ARHGAP22: variants seen among roughly 807,000 people sequenced by gnomAD.
ARHGAP22 encodes the protein rho GTPase-activating protein 22.
A neutral mutation model predicts 59.1 loss-of-function variants in ARHGAP22; 48 were observed. The ratio of observed to expected loss-of-function variants is 0.81; its 90% CI spans 0.64 to 1.03. The LOEUF (loss-of-function observed/expected upper bound fraction) is 1.03, where lower values mean the gene tolerates loss of function less well. Among genes scored for constraint, ARHGAP22 ranks in the 50% least tolerant of loss-of-function variants. The pLI, the probability that ARHGAP22 is intolerant of heterozygous loss-of-function variation, is 0.00. For synonymous variants in ARHGAP22, 445 were observed against 416.4 expected (o/e 1.07, Z -0.84); for missense variants, 1,015 against 958.7 (o/e 1.06, Z -0.78).
At chr10:48,551,130 C>CAAGGTT (rs2056862061) in intron 3 of ARHGAP22, among the ~76,000 whole-genome samples, 1 of 152,126 alleles carries the variant, frequency 6.6e-6, no homozygotes, top group South Asian at 2.1e-4. Context: ...GCTTGCCAGG[C>CAAGGTT]AAGGTTGCAG....
At chr10:48,516,890 A>C (rs1485463402) in intron 3 of ARHGAP22, among the ~76,000 whole-genome samples, 1 of 152,256 alleles carries the variant, frequency 6.6e-6, no homozygotes, top group Admixed American at 6.5e-5. Flanking sequence ...GGATAAACAA[A>C]ATGTGGCATA....
intron 1 of ARHGAP22, among the ~76,000 whole-genome samples, chr10:48,641,349 T>A (rs2062037194): frequency 6.6e-6 from 1 of 152,096 alleles, no homozygotes; most frequent in Admixed American, 6.6e-5. Context: ...AAGAGACACA[T>A]TACAGATTCA....
chr10:48,435,059 T>TGGGTG, the ARHGAP22 span: 1 of 448,004 alleles, frequency 2.2e-6, no homozygotes, highest in Non-Finnish European at 4.3e-6. Context: ...GTGGGAGGGA[T>TGGGTG]GGGGAGTCGG....
At chr10:48,450,163 C>A in intron 9 of ARHGAP22, 98 bp downstream of exon 9, 1 of 1,460,200 alleles carries the variant, frequency 6.8e-7, no homozygotes, top group Non-Finnish European at 9.1e-7. Flanking sequence ...CCAGGGCCAG[C>A]GGCCCAGAGG....
rs530056284 is a variant in ARHGAP22, at chr10:48,526,429, A to G, written c.322+29034T>C. On this transcript the variant is annotated intron_variant, in intron 3 of 9. Transcript: ENST00000249601. ...CCGGAAAGAAAGATGTTTTCACTTC[A>G]TGACACATAGGTGGGGGTTACAAAG... Among the ~76,000 whole-genome samples, 9 of 152,382 alleles carry G rather than the reference A, an allele frequency of 5.9e-5. No individual in the cohort carries two copies. In the South Asian group the frequency reaches 1.9e-3, roughly 32 times the overall value.
At chr10:48,461,177 C>CA (rs200010270) in intron 4 of ARHGAP22, among the ~76,000 whole-genome samples, 173 of 152,008 alleles carry the variant, frequency 1.1e-3, no homozygotes, top group African/African-American at 3.9e-3. Flanking sequence ...AATTAGAAGA[C>CA]AAAAAAAATC....
intron 9 of ARHGAP22, among the ~76,000 whole-genome samples, chr10:48,449,091 C>T (rs539655523): frequency 5.3e-5 from 8 of 152,328 alleles, no homozygotes; most frequent in Admixed American, 5.2e-4. Context: ...ACACAACTGG[C>T]GCAGCTGGTC....
chr10:48,525,516 T>G (rs1426599906), intron 3 of ARHGAP22, among the ~76,000 whole-genome samples: 1 of 152,234 alleles, frequency 6.6e-6, no homozygotes, highest in Non-Finnish European at 1.5e-5. Context: ...GAGGTTGCAG[T>G]GAGCCGAGAT....
chr10:48,479,498 C>A, intron 4 of ARHGAP22, 138 bp downstream of exon 4: 1 of 1,503,180 alleles, frequency 6.7e-7, no homozygotes, highest in South Asian at 1.3e-5. Flanking sequence ...AGTGGAAGGG[C>A]CAGCCTGCTG....
rs151064147 is a variant in ARHGAP22 at position 48,476,845 on chromosome 10, C to T, written c.451+2791G>A. ...TGCAGGTCTTGGTGCAGCTCTTGGA[C>T]GGGCTATTTGGGCCAGGACCAAGCA... On this transcript the variant is annotated intron_variant, in intron 4 of 9. Transcript: ENST00000249601. 1.1e-3 allele frequency among the ~76,000 whole-genome samples: 168 copies of T among 152,274 alleles called. 3 individuals carry two copies. In the East Asian group the frequency reaches 0.019, roughly 17 times the overall value.
upstream of ARHGAP22, among the ~76,000 whole-genome samples, chr10:48,607,595 A>T (rs2060725750): frequency 6.6e-6 from 1 of 152,060 alleles, no homozygotes; most frequent in African/African-American, 2.4e-5. Context: ...GGGCAAGGGG[A>T]TCTGTTGAAC....
Position 48,446,338 on chromosome 10 carries a change from T to G in ARHGAP22, c.*53A>C. 6.3e-7 allele frequency: 1 copy of G among 1,594,814 alleles called. No individual in the cohort carries two copies. The highest frequency in any genetic ancestry group is 1.1e-5 in the South Asian group (1 of 89,842). ...AGAGATACAGACGCTTCTAACTCCA[T>G]ACAAGGCTGGAGACCAGCAGACGTG... On this transcript the variant is annotated 3_prime_UTR_variant, in exon 10 of 10. Transcript: ENST00000249601.
chr10:48,549,294 G>T (rs1403353653), intron 3 of ARHGAP22, among the ~76,000 whole-genome samples: 2 of 152,188 alleles, frequency 1.3e-5, no homozygotes, highest in African/African-American at 2.4e-5. Context: ...CTTACATGGG[G>T]CCTGGCAATG....
chr10:48,623,239 A>G (rs969950013), intron 1 of ARHGAP22, among the ~76,000 whole-genome samples: 1 of 152,042 alleles, frequency 6.6e-6, no homozygotes, highest in African/African-American at 2.4e-5. Context: ...GGTTCAAGTG[A>G]CCTAGGAAGT....
At position 48,561,473 on chromosome 10, in the gene ARHGAP22, A is replaced by G. The variant is rs187588016; in HGVS notation, c.235-5923T>C. Among the ~76,000 whole-genome samples, 348 of 152,316 alleles carry G rather than the reference A, an allele frequency of 2.3e-3. 3 individuals are homozygous for G. The Middle Eastern group carries it at 0.027, about 12-fold the overall frequency. On this transcript the variant is annotated intron_variant, in intron 2 of 9. Transcript: ENST00000249601. ...GATACAACATCAGAAGCTTGACTCA[A>G]AAAAGAACTAATTGATAAATATGAC...
At chr10:48,579,711 T>C (rs1427523512) in intron 2 of ARHGAP22, among the ~76,000 whole-genome samples, 2 of 152,052 alleles carry the variant, frequency 1.3e-5, no homozygotes, top group South Asian at 2.1e-4. Flanking sequence ...GCATCAAACA[T>C]GGCTGGATAT....
intron 3 of ARHGAP22, among the ~76,000 whole-genome samples, chr10:48,492,063 C>T (rs937393211): frequency 6.6e-6 from 1 of 152,078 alleles, no homozygotes; most frequent in Non-Finnish European, 1.5e-5. Flanking sequence ...ATGCAGGGGT[C>T]GCAGGACAAG....
chr10:48,461,225 T>C (rs1208868578), intron 4 of ARHGAP22, among the ~76,000 whole-genome samples: 5 of 152,214 alleles, frequency 3.3e-5, no homozygotes, highest in African/African-American at 1.2e-4. Flanking sequence ...GAGTGCACAC[T>C]GCATGACTCC....
chr10:48,537,737 C>T (rs944143368), intron 3 of ARHGAP22, among the ~76,000 whole-genome samples: 5 of 152,194 alleles, frequency 3.3e-5, no homozygotes, highest in Admixed American at 1.3e-4. Context: ...CCCACCTGAC[C>T]GCAGGCCTCC....
Sources: gnomAD v4.1 joint callset for allele counts (sites outside exome capture counted in the v4.1 genomes callset) on GRCh38, gnomAD v4.1.1 for gene constraint, MANE v1.5 for transcripts, NCBI Gene and HGNC (gene_info 2026-07-23, HGNC 2026-07-21) for gene names.